The following NKAIN2 variants were observed in gnomAD, a reference collection of about 807,000 sequenced individuals.
NKAIN2 encodes the protein sodium/potassium-transporting ATPase subunit beta-1-interacting protein 2.
Under a neutral mutation model 32.6 loss-of-function variants are expected in NKAIN2, and 14 were observed. The observed-to-expected ratio is 0.43, with a 90% CI of 0.28 to 0.67. The LOEUF (loss-of-function observed/expected upper bound fraction) is 0.67. Ranked by LOEUF, NKAIN2 falls within the 30% of genes least tolerant of loss-of-function variation. The probability of loss-of-function intolerance (pLI) is 0.17; values close to 1 mark genes in which losing one functional copy is unlikely to be tolerated. For missense variants in NKAIN2, 198 were observed against 258.3 expected (o/e 0.77, Z 1.60); for synonymous variants, 80 against 87.2 (o/e 0.92, Z 0.46).
chr6:124,429,425 T>G (rs1335138261), intron 3 of NKAIN2, among the ~76,000 whole-genome samples: 1 of 152,156 alleles, frequency 6.6e-6, no homozygotes, highest in Non-Finnish European at 1.5e-5. Context: ...TTCTTCAACC[T>G]CCCTAGGCTG....
At chr6:124,644,222 T>C (rs1784086639) in intron 3 of NKAIN2, among the ~76,000 whole-genome samples, 1 of 152,122 alleles carries the variant, frequency 6.6e-6, no homozygotes, top group South Asian at 2.1e-4. Context: ...CTAGGAGAGA[T>C]GAATAAATAA....
chr6:124,141,758 T>C (rs1169625370), intron 1 of NKAIN2, among the ~76,000 whole-genome samples: 1 of 152,166 alleles, frequency 6.6e-6, no homozygotes, highest in African/African-American at 2.4e-5. Flanking sequence ...TTGTTCCTGA[T>C]GCATTTACTG....
intron 3 of NKAIN2, among the ~76,000 whole-genome samples, chr6:124,509,340 A>T (rs1778619275): frequency 6.6e-6 from 1 of 152,196 alleles, no homozygotes; most frequent in South Asian, 2.1e-4. Flanking sequence ...GATCCTAGAG[A>T]ACCGAAAGAA....
intron 1 of NKAIN2, among the ~76,000 whole-genome samples, chr6:124,161,016 T>A (rs940927208): frequency 2.6e-5 from 4 of 152,218 alleles, no homozygotes; most frequent in African/African-American, 9.6e-5. Flanking sequence ...TAACTTACAC[T>A]AAATGTGACT....
intron 1 of NKAIN2, among the ~76,000 whole-genome samples, chr6:123,830,909 G>A (rs1774352974): frequency 6.6e-6 from 1 of 152,154 alleles, no homozygotes; most frequent in South Asian, 2.1e-4. Flanking sequence ...TGTCATCTGG[G>A]GAATGAACTG....
chr6:123,963,031 T>C (rs2114616240), intron 1 of NKAIN2, among the ~76,000 whole-genome samples: 1 of 152,234 alleles, frequency 6.6e-6, no homozygotes. Context: ...TGGTCCTGAC[T>C]TCATTCAGGA....
chr6:123,881,815 T>C (rs1773469479), intron 1 of NKAIN2, among the ~76,000 whole-genome samples: 1 of 152,190 alleles, frequency 6.6e-6, no homozygotes, highest in Non-Finnish European at 1.5e-5. Flanking sequence ...TGAAACAAAC[T>C]CATAAATATG....
chr6:124,372,447 A>G (rs1262582165), intron 3 of NKAIN2, among the ~76,000 whole-genome samples: 1 of 152,116 alleles, frequency 6.6e-6, no homozygotes, highest in African/African-American at 2.4e-5. Flanking sequence ...CTTCCCAGAT[A>G]GAGAAAAGCC....
At chr6:124,318,035 A>C (rs1260709237) in intron 2 of NKAIN2, among the ~76,000 whole-genome samples, 1 of 152,044 alleles carries the variant, frequency 6.6e-6, no homozygotes, top group Non-Finnish European at 1.5e-5. Flanking sequence ...TCATTTCTCT[A>C]ATGCCAGAGA....
chr6:124,638,688 G>A (rs558415221), intron 3 of NKAIN2, among the ~76,000 whole-genome samples: 32 of 152,176 alleles, frequency 2.1e-4, no homozygotes, highest in African/African-American at 7.7e-4. Context: ...AAGGTCAGGA[G>A]ATCGAGACCA....
At chr6:124,613,614 A>G (rs1489140431) in intron 3 of NKAIN2, among the ~76,000 whole-genome samples, 2 of 152,192 alleles carry the variant, frequency 1.3e-5, no homozygotes, top group African/African-American at 4.8e-5. Context: ...GGAAAAAGCC[A>G]TGGATGCCAA....
intron 1 of NKAIN2, among the ~76,000 whole-genome samples, chr6:124,023,911 A>T (rs1780985576): frequency 6.6e-6 from 1 of 152,136 alleles, no homozygotes; most frequent in South Asian, 2.1e-4. Context: ...AGTGTACTAT[A>T]TGGGATAAGG....
intron 3 of NKAIN2, among the ~76,000 whole-genome samples, chr6:124,443,382 ACAG>A (rs1775769612): frequency 6.6e-6 from 1 of 152,150 alleles, no homozygotes; most frequent in African/African-American, 2.4e-5. Flanking sequence ...AAAATAATTA[ACAG>A]TATATTGGAG....
At chr6:124,340,829 G>A (rs963705081) in intron 2 of NKAIN2, among the ~76,000 whole-genome samples, 3 of 152,066 alleles carry the variant, frequency 2.0e-5, no homozygotes, top group Admixed American at 6.6e-5. Context: ...CCCAGCCTTA[G>A]GACTATAGGA....
chr6:124,442,848 G>C (rs1222968532), intron 3 of NKAIN2, among the ~76,000 whole-genome samples: 1 of 152,052 alleles, frequency 6.6e-6, no homozygotes, highest in Non-Finnish European at 1.5e-5. Context: ...ACTACCATTA[G>C]GCTTGCTCAT....
intron 3 of NKAIN2, among the ~76,000 whole-genome samples, chr6:124,500,849 C>G (rs1232824613): frequency 6.6e-6 from 1 of 151,650 alleles, no homozygotes; most frequent in African/African-American, 2.4e-5. Flanking sequence ...AAAATGGAAG[C>G]AGAAAAATAA....
intron 4 of NKAIN2, among the ~76,000 whole-genome samples, chr6:124,778,367 A>G (rs1445862580): frequency 6.6e-6 from 1 of 151,894 alleles, no homozygotes; most frequent in Non-Finnish European, 1.5e-5. Context: ...AAAAAAAAAA[A>G]GCCCTGCATA....
intron 3 of NKAIN2, among the ~76,000 whole-genome samples, chr6:124,603,603 C>G (rs989228935): frequency 2.6e-5 from 4 of 151,928 alleles, no homozygotes; most frequent in Non-Finnish European, 5.9e-5. Context: ...TAAGCTGCCT[C>G]AGAATTTACT....
chr6:124,112,348 G>A (rs2114972479), intron 1 of NKAIN2, among the ~76,000 whole-genome samples: 1 of 152,154 alleles, frequency 6.6e-6, no homozygotes, highest in South Asian at 2.1e-4. Flanking sequence ...TTTGATGACA[G>A]TTTTATTTTT....
Sources: gnomAD v4.1 joint callset for allele counts (sites outside exome capture counted in the v4.1 genomes callset) on GRCh38, gnomAD v4.1.1 for gene constraint, MANE v1.5 for transcripts, NCBI Gene and HGNC (gene_info 2026-07-23, HGNC 2026-07-21) for gene names.